Variants in FBXL7 observed in about 807,000 individuals in gnomAD.
The protein encoded by FBXL7 is F-box/LRR-repeat protein 7.
FBXL7 carries 12 observed loss-of-function variants against 38.3 expected under a neutral mutation model. The observed-to-expected ratio is 0.31, with a 90% CI of 0.20 to 0.51. The LOEUF is 0.51. Among genes scored for constraint, FBXL7 ranks in the 20% least tolerant of loss-of-function variants. The pLI, the probability that FBXL7 is intolerant of heterozygous loss-of-function variation, is 0.98. For missense variants in FBXL7, 567 were observed against 676.4 expected, an observed-to-expected ratio of 0.84 and a Z score of 1.79; for synonymous variants, 297 against 300.9, an observed-to-expected ratio of 0.99 and a Z score of 0.13.
chr5:15,646,974 C>T (rs565380875), intron 2 of FBXL7, among the ~76,000 whole-genome samples: 2 of 152,156 alleles, frequency 1.3e-5, no homozygotes, highest in African/African-American at 4.8e-5. Flanking sequence ...ACAGGAAAAC[C>T]GCTAATTTAG....
chr5:15,849,891 A>G (rs988135085), intron 2 of FBXL7, among the ~76,000 whole-genome samples: 1 of 152,296 alleles, frequency 6.6e-6, no homozygotes, highest in East Asian at 1.9e-4. Context: ...AACTCCTTCA[A>G]TTCTCCCATG....
At chr5:15,844,727 C>G (rs1014541632) in intron 2 of FBXL7, among the ~76,000 whole-genome samples, 11 of 152,012 alleles carry the variant, frequency 7.2e-5, no homozygotes, top group African/African-American at 2.7e-4. Flanking sequence ...AAGGGAGTGT[C>G]TACCTTAGGA....
At chr5:15,775,014 C>T (rs761246952) in intron 2 of FBXL7, among the ~76,000 whole-genome samples, 7 of 152,202 alleles carry the variant, frequency 4.6e-5, no homozygotes, top group Non-Finnish European at 8.8e-5. Flanking sequence ...TAGCCCTTGA[C>T]AGATCACCAG....
intron 2 of FBXL7, among the ~76,000 whole-genome samples, chr5:15,729,463 A>G (rs959201196): frequency 4.6e-5 from 7 of 152,156 alleles, no homozygotes; most frequent in African/African-American, 1.7e-4. Context: ...TTCTGTTATT[A>G]GCCTCTTTTT....
rs568553097 is a variant in FBXL7, at chr5:15,744,757, A to T, written c.127+128685A>T. ...ATACCCAAGACTGAGTGCTTTACAA[A>T]GAAAATAATTGACTCATAGTTTTGC... On this transcript the variant is annotated intron_variant, in intron 2 of 3. Coordinates refer to ENST00000504595, the MANE Select transcript of FBXL7 (RefSeq NM_012304.5). 6.6e-5 allele frequency among the ~76,000 whole-genome samples: 10 copies of T among 152,336 alleles called. No individual in the cohort carries two copies. The East Asian group carries it at 1.9e-3, about 29-fold the overall frequency.
intron 2 of FBXL7, among the ~76,000 whole-genome samples, chr5:15,630,415 A>C (rs1213135293): frequency 1.3e-5 from 2 of 152,018 alleles, no homozygotes; most frequent in African/African-American, 4.8e-5. Context: ...GAAATTGGAG[A>C]AGTAACTTTC....
At chr5:15,667,015 A>G (rs1301015158) in intron 2 of FBXL7, among the ~76,000 whole-genome samples, 1 of 152,188 alleles carries the variant, frequency 6.6e-6, no homozygotes, top group African/African-American at 2.4e-5. Flanking sequence ...TGGGATTACT[A>G]TGTGGTGAAA....
chr5:15,640,904 G>A (rs371000951), intron 2 of FBXL7, among the ~76,000 whole-genome samples: 7 of 152,102 alleles, frequency 4.6e-5, no homozygotes, highest in Non-Finnish European at 7.4e-5. Flanking sequence ...TGCTTTCTTC[G>A]CATCCTTTGC....
rs537654217 is a variant in FBXL7 at position 15,689,412 on chromosome 5, T to A, written c.127+73340T>A. ...TGGGATGTCCAGGTTCACTGTCTCT[T>A]AAGTATTTCATTAAGCATCTAAAAC... On this transcript the variant is annotated intron_variant, in intron 2 of 3. Transcript: ENST00000504595. Among the ~76,000 whole-genome samples the A allele has an allele frequency of 3.9e-5, 6 of 152,218 alleles. No individual in the cohort carries two copies. The East Asian group carries it at 1.2e-3, about 29-fold the overall frequency.
chr5:15,772,396 C>A (rs931965134), intron 2 of FBXL7, among the ~76,000 whole-genome samples: 1 of 152,170 alleles, frequency 6.6e-6, no homozygotes, highest in African/African-American at 2.4e-5. Context: ...CAATAAAAAT[C>A]CTCCTTTCTT....
At position 15,804,052 on chromosome 5, in the gene FBXL7, CT is replaced by C. The variant is rs1737641738; in HGVS notation, c.128-123837del. Among the ~76,000 whole-genome samples, 9 of 152,352 alleles carry C rather than the reference CT, an allele frequency of 5.9e-5. No homozygotes were observed. The South Asian group carries it at 1.9e-3, about 32-fold the overall frequency. On this transcript the variant is annotated intron_variant, in intron 2 of 3. Transcript: ENST00000504595. ...TACAACCACATACTGTTATTTATGA[CT>C]GTCCCTTCTGACCCAAATATTAAAA...
chr5:15,844,790 C>A (rs1168897085), intron 2 of FBXL7, among the ~76,000 whole-genome samples: 1 of 151,998 alleles, frequency 6.6e-6, no homozygotes, highest in Non-Finnish European at 1.5e-5. Context: ...TGACAGGGAA[C>A]CCATGCTTCC....
At chr5:15,823,746 T>A (rs1176077260) in intron 2 of FBXL7, among the ~76,000 whole-genome samples, 3 of 152,064 alleles carry the variant, frequency 2.0e-5, no homozygotes, top group Non-Finnish European at 1.5e-5. Context: ...TGAGACCATC[T>A]CAAATGTACA....
At chr5:15,820,655 G>C (rs1661907272) in intron 2 of FBXL7, among the ~76,000 whole-genome samples, 1 of 151,944 alleles carries the variant, frequency 6.6e-6, no homozygotes, top group Admixed American at 6.6e-5. Context: ...TTGAGGACTT[G>C]ACCACACCCC....
chr5:15,852,618 CT>C (rs1739131271), intron 2 of FBXL7, among the ~76,000 whole-genome samples: 1 of 152,044 alleles, frequency 6.6e-6, no homozygotes, highest in African/African-American at 2.4e-5. Context: ...AAGCTACATA[CT>C]GACTGCTGTT....
intron 2 of FBXL7, among the ~76,000 whole-genome samples, chr5:15,858,212 C>T (rs1739328315): frequency 6.7e-6 from 1 of 149,140 alleles, no homozygotes; most frequent in African/African-American, 2.4e-5. Context: ...ATATATTTTA[C>T]ATAATATATA....
intron 2 of FBXL7, among the ~76,000 whole-genome samples, chr5:15,741,650 C>T (rs558922304): frequency 1.8e-4 from 28 of 152,236 alleles, no homozygotes; most frequent in African/African-American, 6.7e-4. Context: ...TGTGTGTTCT[C>T]AGAGGCCACT....
At chr5:15,819,699 A>C (rs528417578) in intron 2 of FBXL7, among the ~76,000 whole-genome samples, 23 of 152,300 alleles carry the variant, frequency 1.5e-4, no homozygotes, top group African/African-American at 5.3e-4. Flanking sequence ...TTTGATATCA[A>C]CCAGTTTGCA....
intron 2 of FBXL7, among the ~76,000 whole-genome samples, chr5:15,620,406 G>GTTTTTT (rs368712808): frequency 8.6e-6 from 1 of 116,616 alleles, no homozygotes; most frequent in Non-Finnish European, 1.9e-5. Context: ...CTAATTTTTT[G>GTTTTTT]TTTTTTGTTT....
Sources: allele counts gnomAD v4.1 joint callset (sites outside exome capture counted in the v4.1 genomes callset), GRCh38; gene constraint gnomAD v4.1.1; transcripts MANE v1.5; gene names NCBI Gene and HGNC (gene_info 2026-07-23, HGNC 2026-07-21).